ACO1: variants seen among roughly 807,000 people sequenced by gnomAD.
ACO1 encodes cytoplasmic aconitate hydratase.
ACO1 carries 78 observed loss-of-function variants against 105.1 expected under a neutral mutation model. That is an observed-to-expected ratio of 0.74 (90% CI 0.62 to 0.90). ACO1 has a LOEUF of 0.90. ACO1 is among the 40% of genes least tolerant of loss of function. ACO1 has a pLI of 0.00. For synonymous variants in ACO1, 364 were observed against 397.4 expected, an observed-to-expected ratio of 0.92 and a Z score of 1.00; for missense variants, 965 against 1,111.1, an observed-to-expected ratio of 0.87 and a Z score of 1.87.
At chr9:32,431,109 G>A (rs941239605) in intron 14 of ACO1, among the ~76,000 whole-genome samples, 2 of 152,156 alleles carry the variant, frequency 1.3e-5, no homozygotes, top group African/African-American at 4.8e-5. Flanking sequence ...TTGCAGATTT[G>A]CGTAGTCACT....
intron 9 of ACO1, 32 bp from the exon 10 acceptor site, chr9:32,424,517 A>T (rs1394660054): frequency 6.8e-7 from 1 of 1,472,680 alleles, no homozygotes; most frequent in East Asian, 2.3e-5. Context: ...TATAATGTAA[A>T]TTCTATAATT....
rs1027207166 is a variant in ACO1, at chr9:32,440,511, C to T, written c.2294C>T (p.Pro765Leu). The change falls in exon 19 of 21, where the codon CCC becomes CTC. Residue 765 changes from proline (P) to leucine (L), a missense_variant. Pro to Leu is a moderately conservative substitution (Grantham distance 98, BLOSUM62 -3). Coordinates refer to ENST00000309951, the MANE Select transcript of ACO1 (RefSeq NM_002197.3). ...GAGCGGTACCAGCAGGCAGGCCTTCCCCTGATCGTTCTGGCTGGCAAAGAG... is the reference window on the plus strand; with the variant it reads ...GAGCGGTACCAGCAGGCAGGCCTTCTCCTGATCGTTCTGGCTGGCAAAGAG... The part of the protein sequence containing the change: ...AAERYQQAGL[P>L]LIVLAGKEYG... The T allele has an allele frequency of 1.9e-6, 3 of 1,613,890 alleles. No homozygotes were observed. The African/African-American group carries it at 4.0e-5, about 22-fold the overall frequency.
intron 4 of ACO1, among the ~76,000 whole-genome samples, chr9:32,416,182 C>A (rs1017174653): frequency 4.6e-5 from 7 of 151,508 alleles, no homozygotes; most frequent in African/African-American, 1.7e-4. Flanking sequence ...GCAACCTCCA[C>A]CTCCCAGGTT....
intron 11 of ACO1, among the ~76,000 whole-genome samples, 161 bp downstream of exon 11, chr9:32,426,158 T>C (rs1286287165): frequency 1.3e-5 from 2 of 152,180 alleles, no homozygotes; most frequent in Admixed American, 6.5e-5. Context: ...ACACAATAAA[T>C]AGTATCCAAA....
Position 32,429,436 on chromosome 9 carries a change from A to T in ACO1, c.1502A>T (p.Tyr501Phe). 1 of 1,614,174 alleles carries T rather than the reference A, an allele frequency of 6.2e-7. No individual in the cohort carries two copies. The highest frequency in any genetic ancestry group is 2.2e-5 in the East Asian group (1 of 44,880). Residue 501 changes from tyrosine (Y) to phenylalanine (F), a missense_variant, in exon 13 of 21, where the codon TAT becomes TTT. Transcript: ENST00000309951. ...LSQLGFDVVG[Y>F]GCMTCIGNSG... is the part of the protein sequence containing the mutation. ...GTGTCTAGGTTTGACGTGGTGGGCT[A>T]TGGCTGCATGACCTGCATTGGCAAC...
At chr9:32,430,035 G>C (rs1250752886) in intron 13 of ACO1, among the ~76,000 whole-genome samples, 1 of 152,226 alleles carries the variant, frequency 6.6e-6, no homozygotes, top group East Asian at 1.9e-4. Flanking sequence ...AACCTTGAAA[G>C]ATATTATTTG....
At chr9:32,442,450 T>C (rs941912940) in intron 19 of ACO1, among the ~76,000 whole-genome samples, 1 of 152,200 alleles carries the variant, frequency 6.6e-6, no homozygotes, top group African/African-American at 2.4e-5. Flanking sequence ...CAGTTATTAA[T>C]TATTAATAAT....
chr9:32,438,675 A>G lies in ACO1; in HGVS notation c.2248-1790A>G, dbSNP rs560870435. On this transcript the variant is annotated intron_variant, in intron 18 of 20. Transcript: ENST00000309951. ...AATTCATTCAAAACAAATGAAAATTACTGACTCCAGTGAAACATGTCTTAA... is the reference window on the plus strand; with the variant it reads ...AATTCATTCAAAACAAATGAAAATTGCTGACTCCAGTGAAACATGTCTTAA... Among the ~76,000 whole-genome samples, 5 of 152,384 alleles carry G rather than the reference A, an allele frequency of 3.3e-5. No homozygotes were observed. In the South Asian group the frequency reaches 1.0e-3, roughly 32 times the overall value.
In ACO1 at chr9:32,433,984, G is replaced by A. The variant is rs79390274; in HGVS notation, c.1956+152G>A. On this transcript the variant is annotated intron_variant, in intron 16 of 20. Transcript: ENST00000309951. Reference sequence around the variant, plus strand: ...GATACTGCTGGGGAAAGTTTTGGGAGGCTGGGATATTTGGCTGCCGTGGGT... The same window carrying A: ...GATACTGCTGGGGAAAGTTTTGGGAAGCTGGGATATTTGGCTGCCGTGGGT... The A allele has an allele frequency of 8.5e-3, 5,688 of 665,410 alleles. 134 individuals carry two copies. Among genetic ancestry groups the A allele is most frequent in the African/African-American group, 0.067 (3,657 of 54,830 alleles). The allele number at this position is 665,410 out of a possible 1,614,324, so 41.2% of individuals were successfully genotyped here. A position where few individuals can be genotyped will look rare whatever the true frequency, so the allele number is the denominator to read the frequency against.
chr9:32,423,716 G>T (rs1035966769), intron 9 of ACO1, among the ~76,000 whole-genome samples: 9 of 152,290 alleles, frequency 5.9e-5, no homozygotes, highest in African/African-American at 2.2e-4. Flanking sequence ...CTTTGCTAAA[G>T]GAATAAGAAT....
intron 1 of ACO1, among the ~76,000 whole-genome samples, chr9:32,396,727 T>A (rs968662920): frequency 1.3e-5 from 2 of 152,176 alleles, no homozygotes; most frequent in Non-Finnish European, 2.9e-5. Context: ...GTTTAGTCTG[T>A]CTCCTTCCAT....
rs149480947 is a variant in ACO1, at chr9:32,434,625, G to A, written c.2023G>A (p.Val675Ile). ...TGTGCTGCTAAATTTGGGAGATTCG[G>A]TAACAACTGACCACATCTCCCCAGC... ...AYVLLNLGDS[V>I]TTDHISPAGN... The change falls in exon 17 of 21, where the codon GTA becomes ATA. Residue 675 changes from valine (V) to isoleucine (I), a missense_variant. By Grantham distance (29) the Val-to-Ile change is conservative (BLOSUM62 3). Transcript: ENST00000309951. 69 of 1,613,952 alleles carry A rather than the reference G, an allele frequency of 4.3e-5. No individual in the cohort carries two copies. Among genetic ancestry groups the A allele is most frequent in the Non-Finnish European group, 5.8e-5 (68 of 1,179,986 alleles).
intron 16 of ACO1, among the ~76,000 whole-genome samples, chr9:32,434,059 A>G (rs1234499150): frequency 6.6e-6 from 1 of 152,186 alleles, no homozygotes; most frequent in East Asian, 1.9e-4. Context: ...CAGCCACCCT[A>G]GTAATCACCT....
intron 15 of ACO1, among the ~76,000 whole-genome samples, chr9:32,432,447 T>G (rs1455201904): frequency 6.6e-6 from 1 of 152,132 alleles, no homozygotes; most frequent in Non-Finnish European, 1.5e-5. Context: ...GGTAGAACTG[T>G]CTAGGGGAAG....
chr9:32,450,890 TAC>T lies in ACO1; in HGVS notation c.*781_*782del, dbSNP rs1258082994. On this transcript the variant is annotated 3_prime_UTR_variant, in exon 21 of 21. Transcript: ENST00000309951. ...GTGGCTAGAGTTTTGGGATATTTAG[TAC>T]AGAGTGAATCTCACACCATATCATT... is the stretch of plus-strand genomic sequence containing the variant. 1 of 147,192 alleles carries T rather than the reference TAC, an allele frequency of 6.8e-6. No individual in the cohort carries two copies. The highest frequency in any genetic ancestry group is 1.5e-5 in the Non-Finnish European group (1 of 67,830). 9.1% of individuals were successfully genotyped at this position (147,192 alleles called of 1,614,324 possible).
At chr9:32,389,947 G>A (rs1218641574) in intron 1 of ACO1, among the ~76,000 whole-genome samples, 6 of 151,978 alleles carry the variant, frequency 3.9e-5, no homozygotes, top group Non-Finnish European at 5.9e-5. Flanking sequence ...ACAGGCGTGC[G>A]CCACCACGCC....
intron 4 of ACO1, among the ~76,000 whole-genome samples, chr9:32,409,218 TC>T (rs1198244818): frequency 1.6e-4 from 24 of 152,212 alleles, no homozygotes; most frequent in Non-Finnish European, 8.8e-5. Flanking sequence ...CCTACGAAGC[TC>T]CCTGTTCTTC....
At chr9:32,419,276 T>C in intron 7 of ACO1, 99 bp downstream of exon 7, 1 of 1,299,634 alleles carries the variant, frequency 7.7e-7, no homozygotes, top group Non-Finnish European at 1.0e-6. Context: ...TTCCAAGTGC[T>C]CTAGCAATGC....
At chr9:32,409,860 TA>T (rs1821697838) in intron 4 of ACO1, among the ~76,000 whole-genome samples, 1 of 152,080 alleles carries the variant, frequency 6.6e-6, no homozygotes. Flanking sequence ...TAAAATGTGT[TA>T]CAAAGAAGAG....
Sources: allele counts gnomAD v4.1 joint callset (sites outside exome capture counted in the v4.1 genomes callset), GRCh38; gene constraint gnomAD v4.1.1; transcripts MANE v1.5; gene names NCBI Gene and HGNC (gene_info 2026-07-23, HGNC 2026-07-21).